Variants in CPNE3 observed in about 807,000 individuals in gnomAD.
CPNE3 encodes the protein copine-3.
In CPNE3, 68 loss-of-function variants were observed where a neutral mutation model predicts 63.9. That is an observed-to-expected ratio of 1.06 (90% CI 0.87 to 1.30). The LOEUF is 1.30. CPNE3 is among the 50% of genes most tolerant of loss of function. The pLI is 0.00. For missense variants in CPNE3, 665 were observed against 578.1 expected, an observed-to-expected ratio of 1.15 and a Z score of -1.54; for synonymous variants, 219 against 197.5, an observed-to-expected ratio of 1.11 and a Z score of -0.91.
chr8:86,538,670 G>A (rs1339377389), intron 7 of CPNE3, among the ~76,000 whole-genome samples: 1 of 152,064 alleles, frequency 6.6e-6, no homozygotes, highest in African/African-American at 2.4e-5. Flanking sequence ...TGAAAATCAA[G>A]ACCAGAATGT....
chr8:86,551,158 T>A, intron 13 of CPNE3, 25 bp from the exon 14 acceptor site: 1 of 1,613,822 alleles, frequency 6.2e-7, no homozygotes, highest in Non-Finnish European at 8.5e-7. Context: ...CCAGCCCTCA[T>A]CAGTCCTTTG....
chr8:86,527,063 A>G (rs1395775505), intron 2 of CPNE3, among the ~76,000 whole-genome samples: 1 of 152,204 alleles, frequency 6.6e-6, no homozygotes, highest in Non-Finnish European at 1.5e-5. Flanking sequence ...TTTATACAGC[A>G]CAGGAATCTT....
intron 14 of CPNE3, among the ~76,000 whole-genome samples, chr8:86,553,421 C>T (rs1189646635): frequency 1.3e-5 from 2 of 152,006 alleles, no homozygotes; most frequent in Non-Finnish European, 2.9e-5. Flanking sequence ...AAGGACAGAC[C>T]ACATGTATGA....
At chr8:86,527,164 C>T (rs1223359946) in intron 2 of CPNE3, among the ~76,000 whole-genome samples, 1 of 152,088 alleles carries the variant, frequency 6.6e-6, no homozygotes, top group African/African-American at 2.4e-5. Context: ...GGGCAAAGGG[C>T]ATTAAATACT....
Position 86,558,574 on chromosome 8 carries a change from G to C in CPNE3, c.*164G>C. On this transcript the variant is annotated 3_prime_UTR_variant, in exon 17 of 17. Coordinates refer to ENST00000517490, the MANE Select transcript of CPNE3 (RefSeq NM_003909.5). ...AGCATTCTTTCTAGGTTATTTTGGG[G>C]GGACAGTGCCAAGTCCATCTTTGCC... is the stretch of plus-strand genomic sequence containing the variant. 1 of 591,914 alleles carries C rather than the reference G, an allele frequency of 1.7e-6. No individual in the cohort carries two copies. Among genetic ancestry groups the C allele is most frequent in the African/African-American group, 1.8e-5 (1 of 54,754 alleles). The allele number at this position is 591,914 out of a possible 1,614,324, so 36.7% of individuals were successfully genotyped here.
chr8:86,521,828 A>G (rs892130961), intron 2 of CPNE3: 1 of 152,218 alleles, frequency 6.6e-6, no homozygotes, highest in African/African-American at 2.4e-5. Context: ...GGGTCAATCA[A>G]TTCAGACACT....
At chr8:86,532,209 ATTCT>A (rs1228859980) in intron 5 of CPNE3, among the ~76,000 whole-genome samples, 1 of 152,204 alleles carries the variant, frequency 6.6e-6, no homozygotes, top group Non-Finnish European at 1.5e-5. Flanking sequence ...TGTAGAGGGT[ATTCT>A]CAGTCTTCTG....
At chr8:86,538,743 A>G (rs998688314) in intron 7 of CPNE3, among the ~76,000 whole-genome samples, 1 of 152,130 alleles carries the variant, frequency 6.6e-6, no homozygotes, top group Non-Finnish European at 1.5e-5. Context: ...TCTGTCAAAA[A>G]CACTATGTGT....
intron 2 of CPNE3, among the ~76,000 whole-genome samples, chr8:86,522,520 TTACAGCCA>T (rs1820455993): frequency 6.7e-6 from 1 of 148,988 alleles, no homozygotes; most frequent in African/African-American, 2.5e-5. Context: ...GCCTTTGGAT[TTACAGCCA>T]TATTACCTGA....
intron 8 of CPNE3, among the ~76,000 whole-genome samples, chr8:86,544,071 T>A (rs2131475419): frequency 6.6e-6 from 1 of 152,218 alleles, no homozygotes; most frequent in Non-Finnish European, 1.5e-5. Context: ...GATCTAAGAC[T>A]AGAACTCACC....
chr8:86,551,284 CTT>C, intron 14 of CPNE3, 50 bp downstream of exon 14: 1 of 1,237,012 alleles, frequency 8.1e-7, no homozygotes, highest in Non-Finnish European at 1.2e-6. Flanking sequence ...GCTCACTAGT[CTT>C]TGTTATTTTG....
At chr8:86,550,968 T>C (rs936988878) in intron 12 of CPNE3, 78 bp from the exon 13 acceptor site, 5 of 1,381,216 alleles carry the variant, frequency 3.6e-6, no homozygotes, top group Non-Finnish European at 3.9e-6. Flanking sequence ...TGAGCTCATA[T>C]GGATTTTATT....
intron 7 of CPNE3, among the ~76,000 whole-genome samples, chr8:86,539,837 A>AT (rs2131466955): frequency 6.6e-6 from 1 of 151,282 alleles, no homozygotes; most frequent in South Asian, 2.1e-4. Flanking sequence ...TAATTTTTGT[A>AT]TTTTTTTAGT....
chr8:86,552,368 T>G (rs1384694075), intron 14 of CPNE3, among the ~76,000 whole-genome samples: 1 of 152,214 alleles, frequency 6.6e-6, no homozygotes, highest in Non-Finnish European at 1.5e-5. Context: ...TGTGACCTCT[T>G]TTATTCCCTA....
intron 6 of CPNE3, among the ~76,000 whole-genome samples, chr8:86,536,656 T>C (rs1820809617): frequency 6.6e-6 from 1 of 152,216 alleles, no homozygotes; most frequent in Non-Finnish European, 1.5e-5. Context: ...CAGGGATGTA[T>C]CTGCATATAT....
At chr8:86,552,909 G>A (rs1303410564) in intron 14 of CPNE3, among the ~76,000 whole-genome samples, 5 of 107,498 alleles carry the variant, frequency 4.7e-5, no homozygotes, top group African/African-American at 1.3e-4. Context: ...GCACGATCTT[G>A]GCTCACTGCA....
chr8:86,541,830 C>T (rs1820948424), intron 8 of CPNE3, among the ~76,000 whole-genome samples: 1 of 151,658 alleles, frequency 6.6e-6, no homozygotes, highest in African/African-American at 2.4e-5. Flanking sequence ...AGTGAAAATC[C>T]AGGTCCGAAA....
intron 6 of CPNE3, among the ~76,000 whole-genome samples, chr8:86,537,076 T>C (rs1326136002): frequency 3.3e-5 from 5 of 152,180 alleles, no homozygotes. Flanking sequence ...AAGGCTGAGA[T>C]ATGAAGTTAA....
intron 8 of CPNE3, among the ~76,000 whole-genome samples, chr8:86,544,448 A>G (rs1333281731): frequency 3.3e-5 from 5 of 152,234 alleles, no homozygotes; most frequent in African/African-American, 1.2e-4. Context: ...TATAGAAGGC[A>G]TGATAGAGGA....
Sources: gnomAD v4.1 joint callset for allele counts (sites outside exome capture counted in the v4.1 genomes callset) on GRCh38, gnomAD v4.1.1 for gene constraint, MANE v1.5 for transcripts, NCBI Gene and HGNC (gene_info 2026-07-23, HGNC 2026-07-21) for gene names.